Variants in WDR7 observed in about 807,000 individuals in gnomAD.
WDR7 encodes WD repeat domain 7, also known as WD repeat-containing protein 7.
In WDR7, 46 loss-of-function variants were observed where a neutral mutation model predicts 169.4. The observed-to-expected ratio is 0.27, with a 90% CI of 0.21 to 0.35. WDR7 has a LOEUF of 0.35. WDR7 is among the 10% of genes least tolerant of loss of function. The pLI is 1.00. For missense variants in WDR7, 1,534 were observed against 1,859.3 expected (o/e 0.83, Z 3.22); for synonymous variants, 612 against 666.8 (o/e 0.92, Z 1.27).
At chr18:56,869,660 A>G (rs1163953279) in intron 20 of WDR7, among the ~76,000 whole-genome samples, 1 of 152,212 alleles carries the variant, frequency 6.6e-6, no homozygotes, top group African/African-American at 2.4e-5. Context: ...GAAGTGCCCT[A>G]TGACAGCCAT....
At chr18:56,847,443 G>A (rs1290833348) in intron 20 of WDR7, among the ~76,000 whole-genome samples, 1 of 152,182 alleles carries the variant, frequency 6.6e-6, no homozygotes, top group Non-Finnish European at 1.5e-5. Context: ...TTTCAAGCTA[G>A]CCATGTGGCA....
chr18:56,702,779 G>A (rs559369442), intron 12 of WDR7, among the ~76,000 whole-genome samples: 1 of 152,284 alleles, frequency 6.6e-6, no homozygotes, highest in Admixed American at 6.5e-5. Context: ...GTTTACTTTT[G>A]AGAGTGAGAG....
chr18:57,004,349 A>G (rs2048025606), intron 26 of WDR7, among the ~76,000 whole-genome samples: 1 of 152,250 alleles, frequency 6.6e-6, no homozygotes, highest in South Asian at 2.1e-4. Flanking sequence ...GTAGACAATT[A>G]AGTTCCTTGG....
intron 10 of WDR7, 75 bp from the exon 11 acceptor site, chr18:56,694,875 A>C (rs1175333892): frequency 6.5e-7 from 1 of 1,546,986 alleles, no homozygotes; most frequent in Non-Finnish European, 8.7e-7. Flanking sequence ...GGATCAATCA[A>C]CATTATTTTA....
chr18:56,982,100 G>A (rs756236539), intron 26 of WDR7, among the ~76,000 whole-genome samples: 1 of 152,062 alleles, frequency 6.6e-6, no homozygotes, highest in Non-Finnish European at 1.5e-5. Context: ...CAAAATCCAA[G>A]GGGCATTAAG....
At chr18:56,681,505 A>T in intron 4 of WDR7, 114 bp downstream of exon 4, 1 of 621,400 alleles carries the variant, frequency 1.6e-6, no homozygotes, top group Non-Finnish European at 2.5e-6. Flanking sequence ...TGGTAGTAAC[A>T]AGACAAGAAA....
chr18:56,755,087 T>C (rs753505447), intron 14 of WDR7, among the ~76,000 whole-genome samples: 22 of 152,060 alleles, frequency 1.4e-4, no homozygotes, highest in Non-Finnish European at 2.4e-4. Flanking sequence ...TTGGTCTTCA[T>C]AGTTTTTTTC....
chr18:56,928,302 A>G (rs2046834691), intron 22 of WDR7, among the ~76,000 whole-genome samples: 1 of 151,866 alleles, frequency 6.6e-6, no homozygotes, highest in Non-Finnish European at 1.5e-5. Flanking sequence ...CGTCTCTACA[A>G]ACAAAAATAA....
chr18:56,679,897 T>C (rs972673162), intron 3 of WDR7, among the ~76,000 whole-genome samples: 5 of 152,244 alleles, frequency 3.3e-5, no homozygotes, highest in African/African-American at 1.2e-4. Context: ...AGAATGCAGC[T>C]TGCTTTAGAG....
chr18:57,008,032 C>T (rs529529502), intron 26 of WDR7, among the ~76,000 whole-genome samples: 1 of 152,260 alleles, frequency 6.6e-6, no homozygotes, highest in African/African-American at 2.4e-5. Context: ...ATTTTCCTCA[C>T]TCTCTAACAT....
chr18:56,899,768 T>C (rs892936947), intron 21 of WDR7, among the ~76,000 whole-genome samples: 5 of 152,098 alleles, frequency 3.3e-5, no homozygotes, highest in African/African-American at 1.2e-4. Flanking sequence ...CTATATCTAA[T>C]GTGTAAGAAA....
chr18:56,982,950 A>G (rs2047667028), intron 26 of WDR7, among the ~76,000 whole-genome samples: 1 of 152,218 alleles, frequency 6.6e-6, no homozygotes, highest in African/African-American at 2.4e-5. Flanking sequence ...TCAGCCAATA[A>G]GAGAAAAATA....
chr18:56,814,911 AGTG>A (rs1408510940), intron 19 of WDR7, among the ~76,000 whole-genome samples: 1 of 152,166 alleles, frequency 6.6e-6, no homozygotes, highest in Non-Finnish European at 1.5e-5. Flanking sequence ...CTGAATAAGT[AGTG>A]GTACCAAAAT....
chr18:56,906,686 G>A (rs1268412737), intron 21 of WDR7, among the ~76,000 whole-genome samples: 1 of 151,958 alleles, frequency 6.6e-6, no homozygotes, highest in Non-Finnish European at 1.5e-5. Flanking sequence ...TGGGATTACA[G>A]ACATGTGCCA....
rs567694359 is a variant in WDR7, at chr18:56,665,745, C to T, written c.-19-6752C>T. Among the ~76,000 whole-genome samples, 7 of 152,256 alleles carry T rather than the reference C, an allele frequency of 4.6e-5. 1 individual carries two copies. The highest frequency in any genetic ancestry group is 1.7e-4 in the African/African-American group (7 of 41,540). On this transcript the variant is annotated intron_variant, in intron 1 of 27. Transcript: ENST00000254442. ...CACACTCTTGCACTAAAAAGAGCTT[C>T]GATACTTACTTTCACAGTTTGAGTT...
chr18:56,837,980 G>A (rs533001060), intron 20 of WDR7, among the ~76,000 whole-genome samples: 1 of 152,232 alleles, frequency 6.6e-6, no homozygotes, highest in African/African-American at 2.4e-5. Context: ...ACTAAGATGG[G>A]TACATATCAG....
intron 20 of WDR7, among the ~76,000 whole-genome samples, chr18:56,853,260 T>C (rs1010421165): frequency 9.2e-5 from 14 of 152,202 alleles, no homozygotes; most frequent in Admixed American, 3.3e-4. Context: ...TGAAAATTCT[T>C]ATAGGGAATT....
At chr18:56,657,258 A>G (rs1352506533) in intron 1 of WDR7, among the ~76,000 whole-genome samples, 1 of 151,754 alleles carries the variant, frequency 6.6e-6, no homozygotes, top group Admixed American at 6.6e-5. Context: ...CCCAAGTTCA[A>G]GCGTTTCTCC....
chr18:56,662,598 A>G (rs1410069418), intron 1 of WDR7, among the ~76,000 whole-genome samples: 1 of 152,212 alleles, frequency 6.6e-6, no homozygotes, highest in Admixed American at 6.5e-5. Context: ...GTGTACATCA[A>G]CATCTATCGA....
Sources: allele counts gnomAD v4.1 joint callset (sites outside exome capture counted in the v4.1 genomes callset), GRCh38; gene constraint gnomAD v4.1.1; transcripts MANE v1.5; gene names NCBI Gene and HGNC (gene_info 2026-07-23, HGNC 2026-07-21).